TGFBRAP1: variants seen among roughly 807,000 people sequenced by gnomAD.
The protein encoded by TGFBRAP1 is transforming growth factor beta receptor associated protein 1.
In TGFBRAP1, 20 loss-of-function variants were observed where a neutral mutation model predicts 83.2. The observed-to-expected ratio is 0.24, with a 90% confidence interval of 0.17 to 0.35. The LOEUF (loss-of-function observed/expected upper bound fraction) is 0.35, where lower values mean the gene tolerates loss of function less well. TGFBRAP1 is among the 10% of genes least tolerant of loss of function. The pLI is 1.00. For missense variants in TGFBRAP1, 950 were observed against 1,099.4 expected (o/e 0.86, Z 1.92); for synonymous variants, 415 against 459.8 (o/e 0.90, Z 1.25).
chr2:105,273,788 A>G (rs1677241416), intron 8 of TGFBRAP1, 98 bp from the exon 9 acceptor site: 1 of 1,402,966 alleles, frequency 7.1e-7, no homozygotes, highest in Non-Finnish European at 9.6e-7. Context: ...GGATAAAATC[A>G]TCACTTAAAA....
chr2:105,264,765 C>G lies in TGFBRAP1; in HGVS notation c.*2618G>C, dbSNP rs1469598676. On this transcript the variant is annotated 3_prime_UTR_variant, in exon 12 of 12. Coordinates refer to ENST00000393359, the MANE Select transcript of TGFBRAP1 (RefSeq NM_004257.6). Reference sequence around the variant, plus strand: ...TACATTAATACTTGATAGGGAACAGCAGATAAACAGTTCCAAAAACCAAAT... The same window carrying G: ...TACATTAATACTTGATAGGGAACAGGAGATAAACAGTTCCAAAAACCAAAT... The G allele has an allele frequency of 6.6e-6, 1 of 152,230 alleles. No homozygotes were observed. Among genetic ancestry groups the G allele is most frequent in the African/African-American group, 2.4e-5 (1 of 41,456 alleles). 9.4% of individuals were successfully genotyped at this position (152,230 alleles called of 1,614,324 possible). A position where few individuals can be genotyped will look rare whatever the true frequency, so the allele number is the denominator to read the frequency against.
chr2:105,292,561 G>A (rs900057371), intron 4 of TGFBRAP1, among the ~76,000 whole-genome samples: 5 of 151,510 alleles, frequency 3.3e-5, no homozygotes, highest in Admixed American at 6.6e-5. Flanking sequence ...ACATCAAAAG[G>A]CAGAGAAGAA....
chr2:105,318,408 A>G (rs1015077893), intron 1 of TGFBRAP1, among the ~76,000 whole-genome samples: 4 of 152,348 alleles, frequency 2.6e-5, no homozygotes, highest in African/African-American at 9.6e-5. Flanking sequence ...ATGACTCTCT[A>G]TATCTTATAC....
At chr2:105,316,472 C>CGCGT (rs1553408410) in intron 1 of TGFBRAP1, among the ~76,000 whole-genome samples, 4 of 77,770 alleles carry the variant, frequency 5.1e-5, no homozygotes, top group East Asian at 3.3e-4. Context: ...TGCGCGCGCG[C>CGCGT]GCGCGCGCAC....
intron 5 of TGFBRAP1, 130 bp downstream of exon 5, chr2:105,284,186 C>A (rs1677636179): frequency 3.7e-6 from 3 of 813,598 alleles, no homozygotes; most frequent in South Asian, 1.5e-5. Flanking sequence ...CACGAGCTAC[C>A]CCCACCGTAT....
chr2:105,296,822 A>T (rs1678107814), intron 3 of TGFBRAP1, among the ~76,000 whole-genome samples: 1 of 144,002 alleles, frequency 6.9e-6, no homozygotes, highest in Non-Finnish European at 1.5e-5. Flanking sequence ...AGTGTAGTAA[A>T]CGCATAATAC....
intron 1 of TGFBRAP1, among the ~76,000 whole-genome samples, chr2:105,319,181 C>T (rs369280514): frequency 6.6e-6 from 1 of 151,982 alleles, no homozygotes; most frequent in South Asian, 2.1e-4. Context: ...GTGCCTCAGC[C>T]TCCTGAGTAC....
In TGFBRAP1 at chr2:105,298,660, T is replaced by C. The variant is rs1197403966; in HGVS notation, c.734A>G (p.His245Arg). 7.5e-6 allele frequency: 12 copies of C among 1,609,000 alleles called. 1 individual carries two copies. Among genetic ancestry groups the C allele is most frequent in the Admixed American group, 6.7e-5 (4 of 59,576 alleles). The change falls in exon 3 of 12, where the codon CAC becomes CGC. Residue 245 changes from histidine to arginine, a missense_variant. By Grantham distance (29) the His-to-Arg change is conservative (BLOSUM62 0). Coordinates refer to ENST00000393359, the MANE Select transcript of TGFBRAP1 (RefSeq NM_004257.6). ...VAGISQRAPVHWSENVIGAAV... is the reference protein window; with the variant it reads ...VAGISQRAPVRWSENVIGAAV... ...CGCCCCAATCACATTCTCCGACCAG[T>C]GCACGGGGGCGCGCTGGGATATCCC...
intron 3 of TGFBRAP1, among the ~76,000 whole-genome samples, chr2:105,298,247 C>T (rs996414425): frequency 2.6e-5 from 4 of 152,146 alleles, no homozygotes; most frequent in Admixed American, 2.0e-4. Context: ...GAAGCCCTCC[C>T]TGATATCTCT....
intron 4 of TGFBRAP1, among the ~76,000 whole-genome samples, chr2:105,285,600 C>T (rs560226590): frequency 6.6e-6 from 1 of 152,334 alleles, no homozygotes; most frequent in South Asian, 2.1e-4. Context: ...AGAAGTGGAA[C>T]CTCGGTGTTG....
rs144303951 is a variant in TGFBRAP1 at position 105,307,774 on chromosome 2, G to C, written c.528C>G (p.Asp176Glu). Reference sequence around the variant, plus strand: ...TCAGAGCCAGACACAGGAAGTGGCCGTCCACAGCCACAGCGAGGGGCTGCT... The same window carrying C: ...TCAGAGCCAGACACAGGAAGTGGCCCTCCACAGCCACAGCGAGGGGCTGCT... ...TAEQPLAVAV[D>E]GHFLCLALTT... Residue 176 changes from aspartate (D) to glutamate (E), a missense_variant, in exon 2 of 12, where the codon GAC becomes GAG. Physicochemically the swap from Asp to Glu is conservative, Grantham distance 45. Coordinates refer to ENST00000393359, the MANE Select transcript of TGFBRAP1 (RefSeq NM_004257.6). 1.2e-6 allele frequency: 2 copies of C among 1,614,050 alleles called. No individual in the cohort carries two copies. The highest frequency in any genetic ancestry group is 1.7e-6 in the Non-Finnish European group (2 of 1,180,044).
intron 4 of TGFBRAP1, among the ~76,000 whole-genome samples, chr2:105,288,675 C>A (rs940933611): frequency 6.6e-6 from 1 of 152,160 alleles, no homozygotes; most frequent in Non-Finnish European, 1.5e-5. Context: ...TTCATACCAA[C>A]CCCTTTTTTT....
chr2:105,296,325 G>A (rs764685549), intron 4 of TGFBRAP1, 31 bp downstream of exon 4: 4 of 1,612,214 alleles, frequency 2.5e-6, no homozygotes, highest in East Asian at 2.2e-5. Context: ...GTGACTTAGA[G>A]GCATATTTCT....
At chr2:105,249,573 C>T in the TGFBRAP1 span, 1 of 152,166 alleles carries the variant, frequency 6.6e-6, no homozygotes, top group Non-Finnish European at 1.5e-5. Context: ...CCACATTTAA[C>T]CTTTCAGACA....
chr2:105,256,424 C>A, the TGFBRAP1 span, among the ~76,000 whole-genome samples: 1 of 152,158 alleles, frequency 6.6e-6, no homozygotes, highest in Non-Finnish European at 1.5e-5. Context: ...CGACTTAAGG[C>A]TCCCCTCCTG....
At chr2:105,316,454 TGTGTGTGTGCGCGCGCGC>T (rs1263035309) in intron 1 of TGFBRAP1, among the ~76,000 whole-genome samples, 1 of 75,772 alleles carries the variant, frequency 1.3e-5, no homozygotes, top group South Asian at 4.9e-4. Context: ...TGTGTGTGTG[TGTGTGTGTGCGCGCGCGC>T]GCGCGCGCAC....
At chr2:105,318,380 C>A (rs888070108) in intron 1 of TGFBRAP1, among the ~76,000 whole-genome samples, 1 of 152,090 alleles carries the variant, frequency 6.6e-6, no homozygotes, top group Non-Finnish European at 1.5e-5. Flanking sequence ...ATTTCTGAAG[C>A]TGAGGGTTGC....
intron 2 of TGFBRAP1, 33 bp from the exon 3 acceptor site, chr2:105,298,738 C>G: frequency 2.0e-6 from 3 of 1,525,358 alleles, no homozygotes; most frequent in Non-Finnish European, 8.8e-7. Flanking sequence ...AGGTAGGCTT[C>G]CAAATAAGCA....
At chr2:105,276,663 T>C (rs184089094) in intron 7 of TGFBRAP1, among the ~76,000 whole-genome samples, 2 of 151,940 alleles carry the variant, frequency 1.3e-5, no homozygotes, top group East Asian at 1.9e-4. Flanking sequence ...GTTATTACTA[T>C]ACTTATATAA....
Sources: gnomAD v4.1 joint callset for allele counts (sites outside exome capture counted in the v4.1 genomes callset) on GRCh38, gnomAD v4.1.1 for gene constraint, MANE v1.5 for transcripts, NCBI Gene and HGNC (gene_info 2026-07-23, HGNC 2026-07-21) for gene names.